DNAL4: variants seen among roughly 807,000 people sequenced by gnomAD.
DNAL4 encodes the protein dynein light chain, outer arm 4.
DNAL4 carries 10 observed loss-of-function variants against 12.6 expected under a neutral mutation model. The observed-to-expected ratio is 0.79, with a 90% CI of 0.49 to 1.34. The LOEUF (loss-of-function observed/expected upper bound fraction) is 1.34. Ranked by LOEUF, DNAL4 falls within the 40% of genes most tolerant of loss-of-function variation. The probability of loss-of-function intolerance (pLI) is 0.00; values close to 1 mark genes in which losing one functional copy is unlikely to be tolerated. For synonymous variants in DNAL4, 46 were observed against 53.1 expected (o/e 0.87, Z 0.58); for missense variants, 128 against 138.1 (o/e 0.93, Z 0.37).
chr22:38,780,910 G>C lies in DNAL4; in HGVS notation c.153+16C>G, dbSNP rs2093033299. 3 of 1,614,028 alleles carry C rather than the reference G, an allele frequency of 1.9e-6. No individual in the cohort carries two copies. In the African/African-American group the frequency reaches 4.0e-5, roughly 22 times the overall value. ...CCATCAAAAGCACGAGGGGCCGCCT[G>C]CACTGCTGGCAATACCTCGTTGTTG... On this transcript the variant is annotated intron_variant, in intron 3 of 3. Transcript: ENST00000216068.
intron 1 of DNAL4, among the ~76,000 whole-genome samples, chr22:38,783,282 A>ACACACGGGCCTTCCCTCCCAC (rs2093037147): frequency 6.6e-5 from 9 of 136,834 alleles, no homozygotes; most frequent in African/African-American, 5.7e-5. Flanking sequence ...CTCCCACTAC[A>ACACACGGGCCTTCCCTCCCAC]TACACGGGCC....
rs750896110 is a variant in DNAL4, at chr22:38,783,013, C to T, written c.-139-143G>A. On this transcript the variant is annotated intron_variant, in intron 1 of 3. Coordinates refer to ENST00000216068, the MANE Select transcript of DNAL4 (RefSeq NM_005740.3). ...TCCAAATGGCCAGCAAGTCTGCAGA[C>T]GGCAGGATGAGTCAACACGAGATGC... The T allele has an allele frequency of 8.4e-5, 28 of 334,328 alleles. 1 individual carries two copies. Among genetic ancestry groups the T allele is most frequent in the South Asian group, 6.5e-4 (16 of 24,662 alleles). 20.7% of individuals were successfully genotyped at this position (334,328 alleles called of 1,614,324 possible). A position where few individuals can be genotyped will look rare whatever the true frequency, so the allele number is the denominator to read the frequency against.
chr22:38,782,688 C>A lies in DNAL4; in HGVS notation c.44G>T (p.Arg15Leu), dbSNP rs145196186. Residue 15 changes from arginine (R) to leucine (L), a missense_variant, in exon 2 of 4, where the codon CGA (arginine) becomes CTA (leucine). Physicochemically the swap from Arg to Leu is moderately radical, Grantham distance 102 (BLOSUM62 -2). Transcript: ENST00000216068. The surrounding 1 kb of genome is among the most constrained non-coding windows in gnomAD (Gnocchi z 5.1). ...EGKKDEADYK[R>L]LQTFPLVRHS... ...CCTGACCAGAGGGAAGGTCTGCAGTCGCTTATAATCAGCCTCATCTTTCTT... is the reference window on the plus strand; with the variant it reads ...CCTGACCAGAGGGAAGGTCTGCAGTAGCTTATAATCAGCCTCATCTTTCTT... 1.2e-6 allele frequency: 2 copies of A among 1,613,462 alleles called. No individual in the cohort carries two copies. The highest frequency in any genetic ancestry group is 1.1e-5 in the South Asian group (1 of 90,918).
chr22:38,779,722 G>C lies in DNAL4; in HGVS notation c.154-109C>G. On this transcript the variant is annotated intron_variant, in intron 3 of 3. Coordinates refer to ENST00000216068, the MANE Select transcript of DNAL4 (RefSeq NM_005740.3). The surrounding 1 kb of genome is among the most constrained non-coding windows in gnomAD (Gnocchi z 4.3). Reference sequence around the variant, plus strand: ...GCACTGAGGTCTTGGCAAGAGAAAGGCCTGCTGTCCTATTTCTCTTGTCCT... The same window carrying C: ...GCACTGAGGTCTTGGCAAGAGAAAGCCCTGCTGTCCTATTTCTCTTGTCCT... 1.5e-6 allele frequency: 2 copies of C among 1,356,446 alleles called. No individual in the cohort carries two copies. The highest frequency in any genetic ancestry group is 1.9e-4 in the Middle Eastern group (1 of 5,184). The allele number at this position is 1,356,446 out of a possible 1,614,324, so 84.0% of individuals were successfully genotyped here.
rs892362393 is a variant in DNAL4, at chr22:38,794,105, C to G, written c.-177G>C. On this transcript the variant is annotated 5_prime_UTR_variant, in exon 1 of 4. Transcript: ENST00000216068. Reference sequence around the variant, plus strand: ...GGGCCGGAGCCGGGGCCGCAGCCAGCGAACCCCCGCCAGGGTTGTCAAGGA... The same window carrying G: ...GGGCCGGAGCCGGGGCCGCAGCCAGGGAACCCCCGCCAGGGTTGTCAAGGA... 1 of 152,224 alleles carries G rather than the reference C, an allele frequency of 6.6e-6. No individual in the cohort carries two copies. Among genetic ancestry groups the G allele is most frequent in the African/African-American group, 2.4e-5 (1 of 41,454 alleles). The allele number at this position is 152,224 out of a possible 1,614,324, so 9.4% of individuals were successfully genotyped here. A position where few individuals can be genotyped will look rare whatever the true frequency, so the allele number is the denominator to read the frequency against.
At chr22:38,791,905 A>T (rs948329203) in intron 1 of DNAL4, among the ~76,000 whole-genome samples, 1 of 149,362 alleles carries the variant, frequency 6.7e-6, no homozygotes, top group Non-Finnish European at 1.5e-5. Context: ...GGGTTTCACC[A>T]TGTTGGGCAG....
At chr22:38,784,984 C>G (rs572966720) in intron 1 of DNAL4, among the ~76,000 whole-genome samples, 13 of 150,640 alleles carry the variant, frequency 8.6e-5, no homozygotes, top group East Asian at 7.9e-4. Flanking sequence ...GACCCCCCCC[C>G]CCATCCAATG....
chr22:38,784,978 C>G (rs541985322), intron 1 of DNAL4, among the ~76,000 whole-genome samples: 10 of 148,736 alleles, frequency 6.7e-5, no homozygotes, highest in South Asian at 4.3e-4. Context: ...GGCACAGACC[C>G]CCCCCCCCAT....
At chr22:38,788,481 G>A (rs1265894078) in intron 1 of DNAL4, among the ~76,000 whole-genome samples, 2 of 152,176 alleles carry the variant, frequency 1.3e-5, no homozygotes, top group Non-Finnish European at 2.9e-5. Flanking sequence ...TGGAGGGAAG[G>A]AGAGGAGGGA....
intron 1 of DNAL4, among the ~76,000 whole-genome samples, chr22:38,792,733 C>T (rs527903054): frequency 6.6e-6 from 1 of 152,222 alleles, no homozygotes; most frequent in Non-Finnish European, 1.5e-5. Flanking sequence ...GGCAATAACA[C>T]GCATGGAGCT....
intron 1 of DNAL4, among the ~76,000 whole-genome samples, chr22:38,793,478 G>T (rs2093054079): frequency 6.6e-6 from 1 of 152,214 alleles, no homozygotes; most frequent in South Asian, 2.1e-4. Flanking sequence ...GGTTTGCCAA[G>T]TTATTTTCAC....
rs145196186 is a variant in DNAL4, at chr22:38,782,688, C to T, written c.44G>A (p.Arg15Gln). Residue 15 changes from arginine to glutamine, a missense_variant, in exon 2 of 4, where the codon CGA becomes CAA. By Grantham distance (43) the Arg-to-Gln change is conservative. Coordinates refer to ENST00000216068, the MANE Select transcript of DNAL4 (RefSeq NM_005740.3). This position sits in a 1 kb window ranked among gnomAD's most constrained non-coding sequence, Gnocchi z 5.1. Reference sequence around the variant, plus strand: ...CCTGACCAGAGGGAAGGTCTGCAGTCGCTTATAATCAGCCTCATCTTTCTT... The same window carrying T: ...CCTGACCAGAGGGAAGGTCTGCAGTTGCTTATAATCAGCCTCATCTTTCTT... ...EGKKDEADYK[R>Q]LQTFPLVRHS... The T allele has an allele frequency of 1.8e-4, 297 of 1,613,346 alleles. No individual in the cohort carries two copies. The highest frequency in any genetic ancestry group is 1.8e-4 in the Non-Finnish European group (215 of 1,179,818).
chr22:38,792,707 G>A (rs1312140642), intron 1 of DNAL4, among the ~76,000 whole-genome samples: 1 of 152,158 alleles, frequency 6.6e-6, no homozygotes, highest in African/African-American at 2.4e-5. Context: ...ATCTTGTCCC[G>A]CTGGACGGTC....
intron 1 of DNAL4, among the ~76,000 whole-genome samples, chr22:38,789,225 G>C (rs1342869590): frequency 6.6e-6 from 1 of 152,158 alleles, no homozygotes; most frequent in Non-Finnish European, 1.5e-5. Flanking sequence ...AAACAAAGGG[G>C]CTAGGATTTG....
Position 38,779,394 on chromosome 22 carries a change from C to T in DNAL4, c.*55G>A, listed in dbSNP as rs1319782966. On this transcript the variant is annotated 3_prime_UTR_variant, in exon 4 of 4. Coordinates refer to ENST00000216068, the MANE Select transcript of DNAL4 (RefSeq NM_005740.3). The surrounding 1 kb of genome is among the most constrained non-coding windows in gnomAD (Gnocchi z 4.3). Reference sequence around the variant, plus strand: ...AGGACCTGCCTAGGGCTGCTCCCCACCCCAGATGAGTGGCAGGAAAAGGCC... The same window carrying T: ...AGGACCTGCCTAGGGCTGCTCCCCATCCCAGATGAGTGGCAGGAAAAGGCC... 1.6e-5 allele frequency: 25 copies of T among 1,530,636 alleles called. No individual in the cohort carries two copies. Among genetic ancestry groups the T allele is most frequent in the Non-Finnish European group, 2.1e-5 (24 of 1,134,378 alleles). The allele number at this position is 1,530,636 out of a possible 1,614,324, so 94.8% of individuals were successfully genotyped here. A position where few individuals can be genotyped will look rare whatever the true frequency, so the allele number is the denominator to read the frequency against.
chr22:38,790,241 G>A (rs1047331594), intron 1 of DNAL4, among the ~76,000 whole-genome samples: 2 of 152,206 alleles, frequency 1.3e-5, no homozygotes, highest in African/African-American at 4.8e-5. Flanking sequence ...GTTGACAGGA[G>A]CAGAGACCGG....
chr22:38,789,874 G>A (rs1603240436), intron 1 of DNAL4, among the ~76,000 whole-genome samples: 1 of 152,210 alleles, frequency 6.6e-6, no homozygotes, highest in South Asian at 2.1e-4. Context: ...ACACAACAGT[G>A]CCAAGGCAGA....
chr22:38,779,484 C>T lies in DNAL4; in HGVS notation c.283G>A (p.Gly95Ser). The change falls in exon 4 of 4, where the codon GGC (glycine) becomes AGC (serine). Residue 95 changes from glycine (G) to serine (S), a missense_variant. By Grantham distance (56) the Gly-to-Ser change is moderately conservative (BLOSUM62 0). Transcript: ENST00000216068. This position sits in a 1 kb window ranked among gnomAD's most constrained non-coding sequence, Gnocchi z 4.3. ...TTCCAGACGCACACAGCCAGGGTGC[C>T]CCCGAAGTACAGGTAGAGGAGGTTC... ...VKNLLYLYFG[G>S]TLAVCVWKCS The T allele has an allele frequency of 6.3e-7, 1 of 1,579,756 alleles. No homozygotes were observed. The highest frequency in any genetic ancestry group is 8.6e-7 in the Non-Finnish European group (1 of 1,162,384).
At chr22:38,785,821 G>A (rs533098270) in intron 1 of DNAL4, 4 of 152,240 alleles carry the variant, frequency 2.6e-5, no homozygotes, top group Non-Finnish European at 5.9e-5. Context: ...GCTGTTGCAA[G>A]CCCCAGGTAT....
Sources: gnomAD v4.1 joint callset for allele counts (sites outside exome capture counted in the v4.1 genomes callset) on GRCh38, gnomAD v4.1.1 for gene constraint, Gnocchi (gnomAD v3.1) non-coding constraint, MANE v1.5 for transcripts, NCBI Gene and HGNC (gene_info 2026-07-23, HGNC 2026-07-21) for gene names.